The following CACNA1C variants were observed in gnomAD, a reference collection of about 807,000 sequenced individuals.
CACNA1C encodes voltage-dependent L-type calcium channel subunit alpha-1C.
A neutral mutation model predicts 229.0 loss-of-function variants in CACNA1C; 30 were observed. The ratio of observed to expected loss-of-function variants is 0.13; its 90% CI spans 0.10 to 0.18. CACNA1C has a LOEUF of 0.18. Ranked by LOEUF, CACNA1C falls within the 10% of genes least tolerant of loss-of-function variation. The probability of loss-of-function intolerance (pLI) is 1.00; values close to 1 mark genes in which losing one functional copy is unlikely to be tolerated. For synonymous variants in CACNA1C, 1,114 were observed against 1,132.5 expected (o/e 0.98, Z 0.33); for missense variants, 1,658 against 2,845.0 (o/e 0.58, Z 9.49).
At position 2,319,700 on chromosome 12, in the gene CACNA1C, G is replaced by A. The variant is rs539289173; in HGVS notation, c.478-129276G>A. Among the ~76,000 whole-genome samples the A allele has an allele frequency of 3.4e-4, 52 of 152,212 alleles. No individual in the cohort carries two copies. The South Asian group carries it at 0.011, about 32-fold the overall frequency. On this transcript the variant is annotated intron_variant, in intron 3 of 46. Coordinates refer to ENST00000399655, the MANE Select transcript of CACNA1C (RefSeq NM_000719.7). The surrounding 1 kb of genome is among the most constrained non-coding windows in gnomAD (Gnocchi z 4.0). ...TTGCTGTGTATTAAATTTGATCTGG[G>A]GTGTCTGCAAATGTTGGTGCTCACG... is the stretch of plus-strand genomic sequence containing the variant.
intron 3 of CACNA1C, among the ~76,000 whole-genome samples, chr12:2,258,369 G>A (rs1157047832): frequency 1.3e-5 from 2 of 151,568 alleles, no homozygotes; most frequent in African/African-American, 2.4e-5. Context: ...GGTATATATT[G>A]TTTTAAAATA....
chr12:2,174,553 AT>A (rs951514141), intron 3 of CACNA1C, among the ~76,000 whole-genome samples: 2 of 151,830 alleles, frequency 1.3e-5, no homozygotes, highest in Non-Finnish European at 2.9e-5. Flanking sequence ...TTCCCTCAAG[AT>A]TTTTTTTTCT....
intron 3 of CACNA1C, among the ~76,000 whole-genome samples, chr12:2,396,819 C>G (rs975233251): frequency 2.6e-5 from 4 of 152,366 alleles, no homozygotes; most frequent in Non-Finnish European, 4.4e-5. Flanking sequence ...TTCAGAAGTA[C>G]GTGAACACTT....
At chr12:2,347,131 C>G (rs1476896398) in intron 3 of CACNA1C, among the ~76,000 whole-genome samples, 1 of 152,208 alleles carries the variant, frequency 6.6e-6, no homozygotes, top group Non-Finnish European at 1.5e-5. Context: ...AAGCCTTGCT[C>G]CTTGTACTAC....
At chr12:2,240,121 TCATTAGGG>T (rs1442473324) in intron 3 of CACNA1C, among the ~76,000 whole-genome samples, 1 of 152,224 alleles carries the variant, frequency 6.6e-6, no homozygotes, top group Non-Finnish European at 1.5e-5. Context: ...GCTAATTGGA[TCATTAGGG>T]CATTATTACA....
At chr12:2,211,339 C>T (rs935844488) in intron 3 of CACNA1C, among the ~76,000 whole-genome samples, 12 of 152,222 alleles carry the variant, frequency 7.9e-5, no homozygotes, top group Admixed American at 6.5e-4. Context: ...GTGGTGAGAA[C>T]GTCAGGTTTT....
intron 22 of CACNA1C, among the ~76,000 whole-genome samples, chr12:2,604,511 G>A (rs1022066674): frequency 2.0e-4 from 31 of 152,142 alleles, no homozygotes; most frequent in African/African-American, 5.8e-4. Context: ...AGATCCCACC[G>A]TTAGTACGGC....
intron 3 of CACNA1C, among the ~76,000 whole-genome samples, chr12:2,188,147 C>T (rs2097101203): frequency 6.6e-6 from 1 of 152,216 alleles, no homozygotes; most frequent in Non-Finnish European, 1.5e-5. Context: ...TCCCCATGGT[C>T]TCTTAAGGCC....
rs976216479 is a variant in CACNA1C, at chr12:2,565,285, G to A, written c.1509-1137G>A. 2.0e-5 allele frequency among the ~76,000 whole-genome samples: 3 copies of A among 151,804 alleles called. 1 individual carries two copies. Among genetic ancestry groups the A allele is most frequent in the Non-Finnish European group, 1.5e-5 (1 of 67,936 alleles). ...AGATCGAGACCATCCTGGCTAACAA[G>A]GTGAAACCCGTCTCTACTAAAAATA... is the stretch of plus-strand genomic sequence containing the variant. On this transcript the variant is annotated intron_variant, in intron 11 of 46. Transcript: ENST00000399655.
chr12:2,463,198 C>T (rs1008440681), intron 5 of CACNA1C, among the ~76,000 whole-genome samples: 10 of 152,092 alleles, frequency 6.6e-5, no homozygotes, highest in African/African-American at 2.2e-4. Context: ...CGTGAGCCAC[C>T]GCACCCGGCC....
At chr12:2,427,977 A>G (rs1322201742) in intron 3 of CACNA1C, among the ~76,000 whole-genome samples, 1 of 152,224 alleles carries the variant, frequency 6.6e-6, no homozygotes, top group Non-Finnish European at 1.5e-5. Flanking sequence ...ATACTGTATT[A>G]GTGGCTCCTT....
intron 1 of CACNA1C, among the ~76,000 whole-genome samples, chr12:2,007,371 A>G (rs904502447): frequency 1.6e-4 from 25 of 152,252 alleles, no homozygotes; most frequent in Admixed American, 1.4e-3. Flanking sequence ...GACAGGCAAT[A>G]TAGGGGCCAT....
Position 2,674,315 on chromosome 12 carries a change from C to T in CACNA1C, c.4727-226C>T, listed in dbSNP as rs189590041. ...GGAAGGGGACAGGAATGGCATTGGA[C>T]GGGGCACAAGAGGGAAGGGGGAAGG... On this transcript the variant is annotated intron_variant, in intron 38 of 46. Transcript: ENST00000399655. 3.8e-4 allele frequency among the ~76,000 whole-genome samples: 58 copies of T among 151,712 alleles called. 1 individual carries two copies. In the South Asian group the frequency reaches 5.6e-3, roughly 15 times the overall value.
At chr12:2,191,603 C>T (rs1211435726) in intron 3 of CACNA1C, among the ~76,000 whole-genome samples, 3 of 151,970 alleles carry the variant, frequency 2.0e-5, no homozygotes, top group African/African-American at 7.3e-5. Flanking sequence ...CACTCACACA[C>T]ATGCGCTCAG....
At chr12:2,145,341 G>A (rs2094605937) in intron 3 of CACNA1C, among the ~76,000 whole-genome samples, 2 of 150,728 alleles carry the variant, frequency 1.3e-5, no homozygotes, top group Admixed American at 6.7e-5. Context: ...GCTGGTTTTG[G>A]CCTTTTGGAG....
intron 13 of CACNA1C, among the ~76,000 whole-genome samples, chr12:2,574,503 G>A (rs944789749): frequency 6.6e-6 from 1 of 152,100 alleles, no homozygotes; most frequent in Non-Finnish European, 1.5e-5. Context: ...TATTTCTCCT[G>A]CTGCTCCTCC....
chr12:2,682,999 G>A (rs1237526674), intron 43 of CACNA1C, among the ~76,000 whole-genome samples: 1 of 126,872 alleles, frequency 7.9e-6, no homozygotes, highest in East Asian at 2.4e-4. Context: ...GTAAGACACA[G>A]TCATAAATAT....
chr12:2,599,642 T>C (rs1226391767), intron 21 of CACNA1C, among the ~76,000 whole-genome samples: 4 of 152,138 alleles, frequency 2.6e-5, no homozygotes, highest in African/African-American at 7.2e-5. Context: ...TTCCTCAGGA[T>C]GGAAACACCC....
intron 18 of CACNA1C, among the ~76,000 whole-genome samples, chr12:2,588,971 G>C (rs186732367): frequency 8.1e-4 from 123 of 152,278 alleles, no homozygotes; most frequent in Non-Finnish European, 1.4e-3. Context: ...GAGCCATGAG[G>C]TGGTGGAGTC....
Sources: gnomAD v4.1 joint callset for allele counts (sites outside exome capture counted in the v4.1 genomes callset) on GRCh38, gnomAD v4.1.1 for gene constraint, Gnocchi (gnomAD v3.1) non-coding constraint, MANE v1.5 for transcripts, NCBI Gene and HGNC (gene_info 2026-07-23, HGNC 2026-07-21) for gene names.